STX11: variants seen among roughly 807,000 people sequenced by gnomAD.
The protein encoded by STX11 is syntaxin 11.
Under a neutral mutation model 19.9 loss-of-function variants are expected in STX11, and 21 were observed. The observed-to-expected ratio is 1.06, with a 90% CI of 0.75 to 1.52. STX11 has a LOEUF of 1.52. Ranked by LOEUF, STX11 falls within the 40% of genes most tolerant of loss-of-function variation. The probability of loss-of-function intolerance (pLI) is 0.00; values close to 1 mark genes in which losing one functional copy is unlikely to be tolerated. For synonymous variants in STX11, 193 were observed against 174.4 expected (o/e 1.11, Z -0.84); for missense variants, 438 against 405.9 (o/e 1.08, Z -0.68).
intron 1 of STX11, among the ~76,000 whole-genome samples, chr6:144,158,673 T>G (rs1801241344): frequency 6.6e-6 from 1 of 152,192 alleles, no homozygotes; most frequent in Admixed American, 6.5e-5. Flanking sequence ...GAGGAAGCTT[T>G]GAGGTGCTTT....
chr6:144,167,579 TG>T lies in STX11; in HGVS notation c.-6+16877del, dbSNP rs1801516605. On this transcript the variant is annotated intron_variant, in intron 1 of 1. Transcript: ENST00000367568. The surrounding 1 kb of genome is among the most constrained non-coding windows in gnomAD (Gnocchi z 5.0). ...CATCATTCCTGACTCTGAATTTACA[TG>T]CTGCTGATAAGCAATCACTTCTCCT... is the stretch of plus-strand genomic sequence containing the variant. Among the ~76,000 whole-genome samples, 5 of 152,240 alleles carry T rather than the reference TG, an allele frequency of 3.3e-5. No individual in the cohort carries two copies. The highest frequency in any genetic ancestry group is 5.9e-5 in the Non-Finnish European group (4 of 68,044).
chr6:144,150,172 G>A (rs1800956912), upstream of STX11, among the ~76,000 whole-genome samples: 1 of 152,232 alleles, frequency 6.6e-6, no homozygotes, highest in African/African-American at 2.4e-5. Flanking sequence ...CCGCGGCAAC[G>A]CACCGGACTG....
chr6:144,155,640 C>G lies in STX11; in HGVS notation c.-6+4937C>G, dbSNP rs1005070733. Among the ~76,000 whole-genome samples, 1 of 152,172 alleles carries G rather than the reference C, an allele frequency of 6.6e-6. No individual in the cohort carries two copies. The highest frequency in any genetic ancestry group is 1.5e-5 in the Non-Finnish European group (1 of 68,040). ...GGTTTGTCTTGGCTGTTCAATTCAA[C>G]TGTGGTTTCCCTGAGAGAAGAGAAT... On this transcript the variant is annotated intron_variant, in intron 1 of 1. Transcript: ENST00000367568. The surrounding 1 kb of genome is among the most constrained non-coding windows in gnomAD (Gnocchi z 4.5).
rs968089134 is a variant in STX11 at position 144,175,046 on chromosome 6, C to T, written c.-5-11577C>T. Reference sequence around the variant, plus strand: ...GGTGGATCACTTGAGGCCAAGAGTTCGAGACCAACCTGGCCAATGTAATGA... The same window carrying T: ...GGTGGATCACTTGAGGCCAAGAGTTTGAGACCAACCTGGCCAATGTAATGA... On this transcript the variant is annotated intron_variant, in intron 1 of 1. Transcript: ENST00000367568. The surrounding 1 kb of genome is among the most constrained non-coding windows in gnomAD (Gnocchi z 5.1). Among the ~76,000 whole-genome samples the T allele has an allele frequency of 4.6e-5, 7 of 151,948 alleles. No homozygotes were observed. Among genetic ancestry groups the T allele is most frequent in the South Asian group, 2.1e-4 (1 of 4,814 alleles).
upstream of STX11, among the ~76,000 whole-genome samples, chr6:144,148,811 C>T (rs1009478530): frequency 1.3e-5 from 2 of 152,182 alleles, no homozygotes; most frequent in African/African-American, 4.8e-5. Context: ...CCAGATCAGG[C>T]CTCGAACTCC....
rs894097715 is a variant in STX11 at position 144,183,524 on chromosome 6, A to G, written c.-5-3099A>G. On this transcript the variant is annotated intron_variant, in intron 1 of 1. Coordinates refer to ENST00000367568, the MANE Select transcript of STX11 (RefSeq NM_003764.4). This position sits in a 1 kb window ranked among gnomAD's most constrained non-coding sequence, Gnocchi z 4.6. ...TATTACTAAACTGACTTCCAGAAAG[A>G]TTCTATCAATTACCAATTTTTTAAA... Among the ~76,000 whole-genome samples the G allele has an allele frequency of 5.9e-5, 9 of 152,228 alleles. No homozygotes were observed. Among genetic ancestry groups the G allele is most frequent in the Non-Finnish European group, 1.2e-4 (8 of 68,046 alleles).
Position 144,153,073 on chromosome 6 carries a change from A to G in STX11, c.-6+2370A>G, listed in dbSNP as rs73778537. Among the ~76,000 whole-genome samples, 3,416 of 152,334 alleles carry G rather than the reference A, an allele frequency of 0.022. 138 individuals carry two copies. The highest frequency in any genetic ancestry group is 0.078 in the African/African-American group (3,227 of 41,558). On this transcript the variant is annotated intron_variant, in intron 1 of 1. Transcript: ENST00000367568. The surrounding 1 kb of genome is among the most constrained non-coding windows in gnomAD (Gnocchi z 5.0). ...CTACCGTATCACAGTTTACTGTTGC[A>G]ATTGAAATCTGCTGAGATGCTTTTG...
At chr6:144,145,693 A>G (rs1424100327), upstream of STX11, among the ~76,000 whole-genome samples, 1 of 152,218 alleles carries the variant, frequency 6.6e-6, no homozygotes, top group Non-Finnish European at 1.5e-5. Context: ...GTGGAATCTA[A>G]AAACACTGAA....
rs1801814114 is a variant in STX11, at chr6:144,177,871, A to C, written c.-5-8752A>C. On this transcript the variant is annotated intron_variant, in intron 1 of 1. Coordinates refer to ENST00000367568, the MANE Select transcript of STX11 (RefSeq NM_003764.4). This position sits in a 1 kb window ranked among gnomAD's most constrained non-coding sequence, Gnocchi z 4.4. The stretch of plus-strand genomic sequence containing the variant: ...GTTATTTCAGAGAGTTAATAATTTT[A>C]TGGATTTTTTTTAAAGTTGTGGTGA... Among the ~76,000 whole-genome samples, 1 of 152,174 alleles carries C rather than the reference A, an allele frequency of 6.6e-6. No homozygotes were observed. The highest frequency in any genetic ancestry group is 1.5e-5 in the Non-Finnish European group (1 of 68,026).
rs964275073 is a variant in STX11, at chr6:144,187,781, C to G, written c.*290C>G. 2.8e-5 allele frequency: 15 copies of G among 539,386 alleles called. No individual in the cohort carries two copies. In the East Asian group the frequency reaches 4.9e-4, roughly 18 times the overall value. 33.4% of individuals were successfully genotyped at this position (539,386 alleles called of 1,614,324 possible). ...GTCTTGACAGAAGCCAAGTAAGGAA[C>G]TGAAGTTGTATCTGACTGTAGGGTG... On this transcript the variant is annotated 3_prime_UTR_variant, in exon 2 of 2. Transcript: ENST00000367568. The surrounding 1 kb of genome is among the most constrained non-coding windows in gnomAD (Gnocchi z 5.6).
chr6:144,150,270 T>C (rs1800959618), upstream of STX11, among the ~76,000 whole-genome samples: 1 of 152,242 alleles, frequency 6.6e-6, no homozygotes, highest in African/African-American at 2.4e-5. Context: ...AGGAAGTGTC[T>C]TGGGCGGCAA....
Position 144,176,070 on chromosome 6 carries a change from T to G in STX11, c.-5-10553T>G, listed in dbSNP as rs1412601408. Among the ~76,000 whole-genome samples the G allele has an allele frequency of 6.6e-6, 1 of 152,228 alleles. No homozygotes were observed. The highest frequency in any genetic ancestry group is 1.5e-5 in the Non-Finnish European group (1 of 68,038). On this transcript the variant is annotated intron_variant, in intron 1 of 1. Transcript: ENST00000367568. The surrounding 1 kb of genome is among the most constrained non-coding windows in gnomAD (Gnocchi z 4.1). ...AGTGGCTGGGCTACTGCAGACAGGT[T>G]CTTCTTTTAGATTCACTAATTAGAT...
At chr6:144,141,440 G>A in the STX11 span, among the ~76,000 whole-genome samples, 2 of 152,114 alleles carry the variant, frequency 1.3e-5, no homozygotes, top group South Asian at 2.1e-4. Context: ...ACGATTTTTC[G>A]CCACATGTTT....
At chr6:144,156,011 T>TCC (rs1562655582) in intron 1 of STX11, among the ~76,000 whole-genome samples, 1 of 113,852 alleles carries the variant, frequency 8.8e-6, no homozygotes, top group East Asian at 2.7e-4. Flanking sequence ...TCTTTCTTTC[T>TCC]TTCTCTCTTT....
chr6:144,178,434 A>G (rs1369172718), intron 1 of STX11, among the ~76,000 whole-genome samples: 3 of 152,218 alleles, frequency 2.0e-5, no homozygotes, highest in African/African-American at 7.2e-5. Flanking sequence ...GTGCATTTCT[A>G]CAGAAAGCAT....
In STX11 at chr6:144,169,687, T is replaced by TC. The variant is rs1203893511; in HGVS notation, c.-5-16935dup. Among the ~76,000 whole-genome samples the TC allele has an allele frequency of 6.1e-5, 9 of 147,990 alleles. No individual in the cohort carries two copies. The highest frequency in any genetic ancestry group is 6.7e-5 in the Admixed American group (1 of 14,844). ...TCCCTTCCTTCCTTCCTTCCTTCCT[T>TC]CTTTCTTTCCTTCCTACCTATGAGG... On this transcript the variant is annotated intron_variant, in intron 1 of 1. Coordinates refer to ENST00000367568, the MANE Select transcript of STX11 (RefSeq NM_003764.4). The surrounding 1 kb of genome is among the most constrained non-coding windows in gnomAD (Gnocchi z 5.2).
Position 144,187,283 on chromosome 6 carries a change from G to A in STX11, c.656G>A (p.Ser219Asn). 6.2e-7 allele frequency: 1 copy of A among 1,613,196 alleles called. No individual in the cohort carries two copies. The highest frequency in any genetic ancestry group is 8.5e-7 in the Non-Finnish European group (1 of 1,179,962). The change falls in exon 2 of 2, where the codon AGC becomes AAC. Residue 219 changes from serine to asparagine, a missense_variant. Physicochemically the swap from Ser to Asn is conservative, Grantham distance 46. Transcript: ENST00000367568. This position sits in a 1 kb window ranked among gnomAD's most constrained non-coding sequence, Gnocchi z 5.6. ...CACCGCGAACTGCTGCGCCTGGAGAGCCGCATCCGCGACGTACACGAGCTC... is the reference window on the plus strand; with the variant it reads ...CACCGCGAACTGCTGCGCCTGGAGAACCGCATCCGCGACGTACACGAGCTC... Reference protein sequence around the residue: ...SRHRELLRLESRIRDVHELFL... With the variant: ...SRHRELLRLENRIRDVHELFL...
At chr6:144,142,992 C>A in the STX11 span, among the ~76,000 whole-genome samples, 5 of 152,158 alleles carry the variant, frequency 3.3e-5, no homozygotes, top group Non-Finnish European at 7.4e-5. Flanking sequence ...ACATTCTATG[C>A]ATGCAACAAA....
chr6:144,144,034 C>T, the STX11 span, among the ~76,000 whole-genome samples: 1 of 152,178 alleles, frequency 6.6e-6, no homozygotes, highest in African/African-American at 2.4e-5. Flanking sequence ...TGTCTAGGTG[C>T]CTCCCTCTAA....
Sources: allele counts gnomAD v4.1 joint callset (sites outside exome capture counted in the v4.1 genomes callset), GRCh38; gene constraint gnomAD v4.1.1; non-coding constraint Gnocchi (gnomAD v3.1); transcripts MANE v1.5; gene names NCBI Gene and HGNC (gene_info 2026-07-23, HGNC 2026-07-21).